The following DACH1 variants were observed in gnomAD, a reference collection of about 807,000 sequenced individuals.
DACH1 encodes dachshund family transcription factor 1, also known as dachshund homolog 1.
A neutral mutation model predicts 54.2 loss-of-function variants in DACH1; 12 were observed. That is an observed-to-expected ratio of 0.22 (90% confidence interval 0.14 to 0.36). DACH1 has a LOEUF of 0.36. Among genes scored for constraint, DACH1 ranks in the 10% least tolerant of loss-of-function variants. DACH1 has a pLI of 1.00. For synonymous variants in DACH1, 386 were observed against 366.2 expected (o/e 1.05, Z -0.62); for missense variants, 805 against 929.8 (o/e 0.87, Z 1.75).
intron 1 of DACH1, among the ~76,000 whole-genome samples, chr13:71,815,504 A>G (rs555621677): frequency 2.6e-3 from 396 of 152,370 alleles, no homozygotes; most frequent in African/African-American, 9.0e-3. Flanking sequence ...AAAGCCATTT[A>G]TAAAAAGAAA....
intron 1 of DACH1, among the ~76,000 whole-genome samples, chr13:71,810,700 A>G (rs1476000913): frequency 6.6e-6 from 1 of 152,186 alleles, no homozygotes; most frequent in Non-Finnish European, 1.5e-5. Flanking sequence ...AAAAGCTCAT[A>G]TAGCTTCAAC....
chr13:71,652,328 A>G (rs1176979562), intron 2 of DACH1, among the ~76,000 whole-genome samples: 1 of 152,118 alleles, frequency 6.6e-6, no homozygotes, highest in Non-Finnish European at 1.5e-5. Flanking sequence ...CACAAAATTA[A>G]GTCATTCCAC....
intron 1 of DACH1, among the ~76,000 whole-genome samples, chr13:71,723,863 G>A (rs918749378): frequency 2.6e-5 from 4 of 151,872 alleles, no homozygotes; most frequent in Non-Finnish European, 5.9e-5. Flanking sequence ...GCTAATTTTT[G>A]TCTTTTTAGT....
At chr13:71,496,929 C>T (rs1566297181) in intron 6 of DACH1, among the ~76,000 whole-genome samples, 1 of 152,066 alleles carries the variant, frequency 6.6e-6, no homozygotes, top group Non-Finnish European at 1.5e-5. Context: ...TTTAAAGTTA[C>T]TCCAGAAATT....
chr13:71,693,465 G>C (rs913299293), intron 1 of DACH1, among the ~76,000 whole-genome samples: 3 of 143,164 alleles, frequency 2.1e-5, no homozygotes, highest in Non-Finnish European at 4.5e-5. Context: ...ACCACGCCCG[G>C]CAAATTTTTT....
intron 1 of DACH1, among the ~76,000 whole-genome samples, chr13:71,792,356 A>G (rs1394482456): frequency 1.3e-5 from 2 of 151,974 alleles, no homozygotes; most frequent in Non-Finnish European, 2.9e-5. Flanking sequence ...ACACACACAC[A>G]CACACACACA....
intron 1 of DACH1, among the ~76,000 whole-genome samples, chr13:71,685,440 C>T (rs1881112042): frequency 6.6e-6 from 1 of 152,140 alleles, no homozygotes; most frequent in African/African-American, 2.4e-5. Context: ...AAAGAAAATA[C>T]TTGTAGGGAC....
chr13:71,765,191 C>T (rs1885568909), intron 1 of DACH1, among the ~76,000 whole-genome samples: 2 of 152,284 alleles, frequency 1.3e-5, no homozygotes, highest in African/African-American at 4.8e-5. Flanking sequence ...GTATTCCCTT[C>T]CTGTTGCACC....
intron 10 of DACH1, among the ~76,000 whole-genome samples, chr13:71,472,149 A>G (rs1039169925): frequency 1.3e-5 from 2 of 152,114 alleles, no homozygotes; most frequent in Non-Finnish European, 2.9e-5. Flanking sequence ...AAAATTTTTG[A>G]ATGTCTGTTC....
At chr13:71,525,295 T>C (rs1175054281) in intron 6 of DACH1, among the ~76,000 whole-genome samples, 2 of 152,086 alleles carry the variant, frequency 1.3e-5, no homozygotes, top group African/African-American at 4.8e-5. Context: ...TTAACAAAAA[T>C]GGACTATTTA....
chr13:71,600,047 A>T (rs552694692), intron 3 of DACH1, among the ~76,000 whole-genome samples: 1 of 152,146 alleles, frequency 6.6e-6, no homozygotes, highest in Non-Finnish European at 1.5e-5. Flanking sequence ...TGAATGTCTT[A>T]ATCAGTTATT....
intron 1 of DACH1, among the ~76,000 whole-genome samples, chr13:71,855,794 C>G (rs1225754467): frequency 6.6e-6 from 1 of 151,790 alleles, no homozygotes; most frequent in Non-Finnish European, 1.5e-5. Flanking sequence ...TAAATATATT[C>G]CTAGAAAAAT....
At chr13:71,471,607 C>A (rs1413175937) in intron 10 of DACH1, among the ~76,000 whole-genome samples, 1 of 151,720 alleles carries the variant, frequency 6.6e-6, no homozygotes, top group Admixed American at 6.6e-5. Flanking sequence ...AAAAACACCA[C>A]CGGGCCTGGT....
chr13:71,659,048 T>C (rs777169590), intron 2 of DACH1, among the ~76,000 whole-genome samples: 10 of 152,232 alleles, frequency 6.6e-5, no homozygotes, highest in African/African-American at 2.4e-4. Context: ...AACCAGAACA[T>C]AAGATTTTTA....
intron 6 of DACH1, among the ~76,000 whole-genome samples, chr13:71,556,551 G>T (rs900703214): frequency 2.6e-5 from 4 of 151,850 alleles, no homozygotes; most frequent in African/African-American, 9.7e-5. Context: ...TAGAACCTGA[G>T]GTTTCTTGGT....
chr13:71,601,830 G>A (rs757296498), intron 3 of DACH1, among the ~76,000 whole-genome samples: 1 of 151,872 alleles, frequency 6.6e-6, no homozygotes, highest in Non-Finnish European at 1.5e-5. Context: ...AATAACCCAT[G>A]TTATGGGTTG....
At chr13:71,713,164 T>C (rs889231121) in intron 1 of DACH1, among the ~76,000 whole-genome samples, 2 of 151,904 alleles carry the variant, frequency 1.3e-5, no homozygotes, top group African/African-American at 4.8e-5. Context: ...CTTTTCTCTT[T>C]AAAGCCCTGG....
chr13:71,616,991 C>T (rs1193218426), intron 3 of DACH1, among the ~76,000 whole-genome samples: 1 of 151,486 alleles, frequency 6.6e-6, no homozygotes, highest in Non-Finnish European at 1.5e-5. Flanking sequence ...AAGTGATTCT[C>T]CTGCCTCAGC....
intron 1 of DACH1, among the ~76,000 whole-genome samples, chr13:71,753,888 AGAGT>A (rs1885028681): frequency 6.6e-6 from 1 of 152,246 alleles, no homozygotes. Context: ...AAAGTAATAT[AGAGT>A]AATTCTCATG....
Sources: gnomAD v4.1 joint callset for allele counts (sites outside exome capture counted in the v4.1 genomes callset) on GRCh38, gnomAD v4.1.1 for gene constraint, MANE v1.5 for transcripts, NCBI Gene and HGNC (gene_info 2026-07-23, HGNC 2026-07-21) for gene names.